The following BIN1 variants were observed in gnomAD, a reference collection of about 807,000 sequenced individuals.
BIN1 encodes the protein bridging integrator 1.
BIN1 carries 53 observed loss-of-function variants against 82.0 expected under a neutral mutation model. That is an observed-to-expected ratio of 0.65 (90% CI 0.52 to 0.81). The LOEUF (loss-of-function observed/expected upper bound fraction) is 0.81, where lower values mean the gene tolerates loss of function less well. Ranked by LOEUF, BIN1 falls within the 40% of genes least tolerant of loss-of-function variation. BIN1 has a pLI of 0.00. For missense variants in BIN1, 642 were observed against 784.4 expected (o/e 0.82, Z 2.17); for synonymous variants, 302 against 328.0 (o/e 0.92, Z 0.86).
At position 127,107,008 on chromosome 2, in the gene BIN1, TCCCAG is replaced by T; in HGVS notation, c.-70_-66del. 1 of 1,512,464 alleles carries T rather than the reference TCCCAG, an allele frequency of 6.6e-7. No individual in the cohort carries two copies. Among genetic ancestry groups the T allele is most frequent in the Non-Finnish European group, 8.8e-7 (1 of 1,131,050 alleles). The allele number at this position is 1,512,464 out of a possible 1,614,324, so 93.7% of individuals were successfully genotyped here. On this transcript the variant is annotated 5_prime_UTR_variant, in exon 1 of 19. Coordinates refer to ENST00000316724, the MANE Select transcript of BIN1 (RefSeq NM_139343.3). The surrounding 1 kb of genome is among the most constrained non-coding windows in gnomAD (Gnocchi z 5.9). Reference sequence around the variant, plus strand: ...CGCGGGGAGATCTTGCGCGCCGCGCTCCCAGCCCCCAGCCCCGGCCGCGCGTCCAG... The same window carrying T: ...CGCGGGGAGATCTTGCGCGCCGCGCTCCCCCAGCCCCGGCCGCGCGTCCAG...
chr2:127,070,205 C>T (rs1685699792), intron 4 of BIN1, 115 bp from the exon 5 acceptor site: 2 of 829,566 alleles, frequency 2.4e-6, no homozygotes, highest in South Asian at 2.9e-5. Context: ...AGTGGCTTCT[C>T]AGAGCCTCAG....
At position 127,107,036 on chromosome 2, in the gene BIN1, C is replaced by T. The variant is rs1388431029; in HGVS notation, c.-93G>A. 2.0e-5 allele frequency: 26 copies of T among 1,279,206 alleles called. No individual in the cohort carries two copies. The highest frequency in any genetic ancestry group is 2.6e-5 in the Non-Finnish European group (26 of 989,472). The allele number at this position is 1,279,206 out of a possible 1,614,324, so 79.2% of individuals were successfully genotyped here. On this transcript the variant is annotated 5_prime_UTR_variant, in exon 1 of 19. Transcript: ENST00000316724. The surrounding 1 kb of genome is among the most constrained non-coding windows in gnomAD (Gnocchi z 5.9). ...CAGCCCCCAGCCCCGGCCGCGCGTC[C>T]AGACCGGCTGCCGCTCCACGCCGCG...
rs1684119594 is a variant in BIN1, at chr2:127,059,230, A to G, written c.858-75T>C. The G allele has an allele frequency of 2.1e-6, 3 of 1,455,674 alleles. No homozygotes were observed. Among genetic ancestry groups the G allele is most frequent in the Non-Finnish European group, 2.8e-6 (3 of 1,085,702 alleles). The allele number at this position is 1,455,674 out of a possible 1,614,324, so 90.2% of individuals were successfully genotyped here. The stretch of plus-strand genomic sequence containing the variant: ...AGGAGACGGAGGGGCAAATGTATTG[A>G]CGTCTGTGTGAAGAGGTGTGTGCAT... On this transcript the variant is annotated intron_variant, in intron 10 of 18. Coordinates refer to ENST00000316724, the MANE Select transcript of BIN1 (RefSeq NM_139343.3). The surrounding 1 kb of genome is among the most constrained non-coding windows in gnomAD (Gnocchi z 6.7).
At chr2:127,066,915 G>A (rs1398121188) in intron 7 of BIN1, among the ~76,000 whole-genome samples, 10 of 152,068 alleles carry the variant, frequency 6.6e-5, no homozygotes, top group Admixed American at 2.0e-4. Context: ...TACAAAAAAC[G>A]TAAAGATTAG....
In BIN1 at chr2:127,107,135, C is replaced by T. The variant is rs886054839; in HGVS notation, c.-192G>A. The T allele has an allele frequency of 2.6e-5, 14 of 543,702 alleles. No individual in the cohort carries two copies. Among genetic ancestry groups the T allele is most frequent in the Non-Finnish European group, 3.9e-5 (14 of 354,586 alleles). The allele number at this position is 543,702 out of a possible 1,614,324, so 33.7% of individuals were successfully genotyped here. On this transcript the variant is annotated 5_prime_UTR_variant, in exon 1 of 19. Transcript: ENST00000316724. The surrounding 1 kb of genome is among the most constrained non-coding windows in gnomAD (Gnocchi z 5.9). ...GCGAGCGAGCCAGCGAGCTAGCCAGCGAGCGACGCGGGGACAGAGGGAGGG... is the reference window on the plus strand; with the variant it reads ...GCGAGCGAGCCAGCGAGCTAGCCAGTGAGCGACGCGGGGACAGAGGGAGGG...
intron 1 of BIN1, among the ~76,000 whole-genome samples, chr2:127,105,184 G>A (rs1462472894): frequency 3.3e-5 from 5 of 152,164 alleles, no homozygotes; most frequent in African/African-American, 4.8e-5. Flanking sequence ...AGACAACCAG[G>A]GCAAAGGAGA....
chr2:127,106,815 G>C, intron 1 of BIN1, 45 bp downstream of exon 1: 4 of 1,560,678 alleles, frequency 2.6e-6, no homozygotes, highest in Non-Finnish European at 2.6e-6. Flanking sequence ...CCGGGGCTCC[G>C]CGGCGGCTGG....
Position 127,051,180 on chromosome 2 carries a change from C to T in BIN1, c.1435G>A (p.Glu479Lys), listed in dbSNP as rs865803817. Residue 479 changes from glutamate (E) to lysine (K), a missense_variant, in exon 16 of 19, where the codon GAG becomes AAG. Physicochemically the swap from Glu to Lys is moderately conservative, Grantham distance 56. Coordinates refer to ENST00000316724, the MANE Select transcript of BIN1 (RefSeq NM_139343.3). The stretch of plus-strand genomic sequence containing the variant: ...GAGGCTGCTTCACTTGCCGCCGTCT[C>T]CCCTGGCTCCTGGGCTCCAGCCGCA... ...QPAAGAQEPG[E>K]TAASEAASSS... 1.9e-6 allele frequency: 3 copies of T among 1,613,430 alleles called. No homozygotes were observed. The highest frequency in any genetic ancestry group is 1.7e-5 in the Admixed American group (1 of 60,014).
At chr2:127,095,403 C>T (rs905988437) in intron 1 of BIN1, among the ~76,000 whole-genome samples, 1 of 152,180 alleles carries the variant, frequency 6.6e-6, no homozygotes, top group Non-Finnish European at 1.5e-5. Flanking sequence ...ACTGGTGGAT[C>T]CCGGAGTATG....
At chr2:127,083,268 C>G (rs981181182) in intron 1 of BIN1, among the ~76,000 whole-genome samples, 2 of 151,946 alleles carry the variant, frequency 1.3e-5, no homozygotes, top group African/African-American at 2.4e-5. Context: ...TTTGTAGAGA[C>G]AGGGCCTCGC....
At position 127,069,731 on chromosome 2, in the gene BIN1, AACAC is replaced by A. The variant is rs3832046; in HGVS notation, c.411+260_411+263del. Among the ~76,000 whole-genome samples the A allele has an allele frequency of 0.16, 23,452 of 147,586 alleles. 2,054 individuals carry two copies. Among genetic ancestry groups the A allele is most frequent in the Non-Finnish European group, 0.21 (13,882 of 66,778 alleles). The stretch of plus-strand genomic sequence containing the variant: ...ATCATATAGCCAGCCACTCCGCAGC[AACAC>A]ACACACACACACACACACACACACA... On this transcript the variant is annotated intron_variant, in intron 5 of 18. Transcript: ENST00000316724.
At position 127,076,639 on chromosome 2, in the gene BIN1, A is replaced by C. The variant is rs1184468227; in HGVS notation, c.152T>G (p.Phe51Cys). ...DEQFEQCVQN[F>C]NKQLTEGTRL... ...ACCCACACTCACCAGCTGCTTGTTG[A>C]AATTCTGGACGCACTGCTCAAACTG... Residue 51 changes from phenylalanine to cysteine, a missense_variant, in exon 2 of 19, where the codon TTC (phenylalanine) becomes TGC (cysteine). Coordinates refer to ENST00000316724, the MANE Select transcript of BIN1 (RefSeq NM_139343.3). 1.2e-6 allele frequency: 2 copies of C among 1,613,968 alleles called. No individual in the cohort carries two copies. The highest frequency in any genetic ancestry group is 2.7e-5 in the African/African-American group (2 of 74,884).
intron 18 of BIN1, 68 bp downstream of exon 18, chr2:127,050,353 G>A (rs1388111056): frequency 8.3e-6 from 13 of 1,568,834 alleles, no homozygotes; most frequent in South Asian, 6.7e-5. Context: ...TCTCCGCCAC[G>A]GCGGTGCCAG....
chr2:127,083,824 C>G (rs2105214124), intron 1 of BIN1, among the ~76,000 whole-genome samples: 1 of 152,346 alleles, frequency 6.6e-6, no homozygotes, highest in East Asian at 1.9e-4. Context: ...GCCCCACACT[C>G]TGGATCCATC....
Position 127,070,620 on chromosome 2 carries a change from T to A in BIN1, c.248A>T (p.Asn83Ile), listed in dbSNP as rs1363900230. ...KAMHEASKKL[N>I]ECLQEVYEPD... ...CTCATACACCTCCTGCAGACACTCATTCAGCTTCTTGGAAGCCTCGTGCAT... is the reference window on the plus strand; with the variant it reads ...CTCATACACCTCCTGCAGACACTCAATCAGCTTCTTGGAAGCCTCGTGCAT... Residue 83 changes from asparagine (N) to isoleucine (I), a missense_variant, in exon 4 of 19, where the codon AAT (asparagine) becomes ATT (isoleucine). Transcript: ENST00000316724. 6.2e-7 allele frequency: 1 copy of A among 1,613,902 alleles called. No individual in the cohort carries two copies. Among genetic ancestry groups the A allele is most frequent in the South Asian group, 1.1e-5 (1 of 91,078 alleles).
intron 2 of BIN1, 27 bp downstream of exon 2, chr2:127,076,599 C>A (rs759293155): frequency 6.2e-7 from 1 of 1,613,974 alleles, no homozygotes; most frequent in South Asian, 1.1e-5. Flanking sequence ...CACAAACTCC[C>A]TAAGGCCAAG....
At chr2:127,079,422 A>G (rs1227994835) in intron 1 of BIN1, among the ~76,000 whole-genome samples, 7 of 152,236 alleles carry the variant, frequency 4.6e-5, no homozygotes, top group African/African-American at 1.7e-4. Flanking sequence ...GCCTTCACAC[A>G]GGTGGGGGAT....
In BIN1 at chr2:127,050,892, CACG is replaced by C. The variant is rs1682845536; in HGVS notation, c.1479_1481del (p.Val495del). On this transcript the variant is annotated inframe_deletion, in exon 17 of 19. Transcript: ENST00000316724. Reference sequence around the variant, plus strand: ...TCACAGTTGCTGGGAAGGTCTCCACCACGACAGCAGGAAGAGAGCTCTGGTGGC... The same window carrying C: ...TCACAGTTGCTGGGAAGGTCTCCACCACAGCAGGAAGAGAGCTCTGGTGGC... The C allele has an allele frequency of 6.2e-7, 1 of 1,613,886 alleles. No homozygotes were observed.
rs756325510 is a variant in BIN1, at chr2:127,060,101, C to T, written c.858-946G>A. 1.8e-4 allele frequency among the ~76,000 whole-genome samples: 28 copies of T among 152,148 alleles called. 1 individual carries two copies. The highest frequency in any genetic ancestry group is 7.2e-4 in the Admixed American group (11 of 15,284). ...GAAGCATCCAGCAGGAACCAGTGAC[C>T]GAGTCACCTGAGGGCAAACAGTGGA... On this transcript the variant is annotated intron_variant, in intron 10 of 18. Transcript: ENST00000316724.
Sources: gnomAD v4.1 joint callset for allele counts (sites outside exome capture counted in the v4.1 genomes callset) on GRCh38, gnomAD v4.1.1 for gene constraint, Gnocchi (gnomAD v3.1) non-coding constraint, MANE v1.5 for transcripts, NCBI Gene and HGNC (gene_info 2026-07-23, HGNC 2026-07-21) for gene names.